Variants in CFAP54 observed in about 807,000 individuals in gnomAD.
CFAP54 encodes cilia and flagella associated protein 54, also known as cilia- and flagella-associated protein 54.
In CFAP54, 290 loss-of-function variants were observed where a neutral mutation model predicts 370.4. The observed-to-expected ratio is 0.78, with a 90% CI of 0.71 to 0.86. The LOEUF is 0.86. CFAP54 is among the 40% of genes least tolerant of loss of function. The pLI, the probability that CFAP54 is intolerant of heterozygous loss-of-function variation, is 0.00. For missense variants in CFAP54, 3,399 were observed against 3,528.7 expected (o/e 0.96, Z 0.93); for synonymous variants, 1,206 against 1,236.5 (o/e 0.98, Z 0.52).
At chr12:96,814,967 G>A (rs1337635965) in intron 64 of CFAP54, among the ~76,000 whole-genome samples, 1 of 152,090 alleles carries the variant, frequency 6.6e-6, no homozygotes, top group Non-Finnish European at 1.5e-5. Context: ...ATGGGCATTT[G>A]GGTTGATTCC....
chr12:96,573,124 A>C (rs1955940377), intron 19 of CFAP54: 4 of 790,922 alleles, frequency 5.1e-6, no homozygotes, highest in Non-Finnish European at 6.1e-6. Context: ...CTCCAGACAT[A>C]ATCCCGAGGA....
intron 63 of CFAP54, among the ~76,000 whole-genome samples, chr12:96,810,993 T>C (rs1203233265): frequency 6.6e-6 from 1 of 152,174 alleles, no homozygotes; most frequent in Non-Finnish European, 1.5e-5. Context: ...GGTTCTGAGG[T>C]AGTTTCTAAG....
At chr12:96,560,227 A>G (rs868763190) in intron 17 of CFAP54, among the ~76,000 whole-genome samples, 2 of 152,118 alleles carry the variant, frequency 1.3e-5, no homozygotes, top group Admixed American at 6.6e-5. Flanking sequence ...TTTTTCTTCT[A>G]TCTAACAATA....
At chr12:96,510,963 C>CAAA (rs11479059) in intron 4 of CFAP54, among the ~76,000 whole-genome samples, 1 of 103,712 alleles carries the variant, frequency 9.6e-6, no homozygotes, top group Non-Finnish European at 2.1e-5. Context: ...ACTCTTATCT[C>CAAA]AAAAAAAAAA....
intron 26 of CFAP54, among the ~76,000 whole-genome samples, chr12:96,601,712 C>A (rs1440081158): frequency 6.6e-6 from 1 of 152,144 alleles, no homozygotes; most frequent in Non-Finnish European, 1.5e-5. Context: ...GGAATTTATC[C>A]ATTTCTTCTA....
chr12:96,768,702 AAAAC>A (rs1480806041), intron 60 of CFAP54, among the ~76,000 whole-genome samples: 4 of 152,136 alleles, frequency 2.6e-5, no homozygotes, highest in Non-Finnish European at 5.9e-5. Flanking sequence ...AACAAAAACA[AAAAC>A]AAACAAAAAA....
chr12:96,652,930 C>CAGG (rs1159848178), intron 36 of CFAP54, among the ~76,000 whole-genome samples: 1 of 152,204 alleles, frequency 6.6e-6, no homozygotes, highest in African/African-American at 2.4e-5. Context: ...CTCAATTAAT[C>CAGG]AGGAAGACAT....
intron 43 of CFAP54, among the ~76,000 whole-genome samples, chr12:96,690,463 C>T (rs1267689390): frequency 6.6e-6 from 1 of 152,092 alleles, no homozygotes; most frequent in Non-Finnish European, 1.5e-5. Context: ...CTTGTTTCTC[C>T]AACATCTAGT....
chr12:96,728,739 G>A (rs1274679452), intron 50 of CFAP54, among the ~76,000 whole-genome samples: 1 of 152,166 alleles, frequency 6.6e-6, no homozygotes, highest in African/African-American at 2.4e-5. Context: ...TTCCTTTGGA[G>A]GAGGAGAGGC....
chr12:96,821,098 C>A (rs1045307131), intron 65 of CFAP54, among the ~76,000 whole-genome samples: 1 of 152,098 alleles, frequency 6.6e-6, no homozygotes, highest in African/African-American at 2.4e-5. Context: ...TTTCCTGGAG[C>A]TCATTTTCCT....
At chr12:96,608,496 C>CT (rs1555259310) in intron 26 of CFAP54, among the ~76,000 whole-genome samples, 1 of 137,364 alleles carries the variant, frequency 7.3e-6, no homozygotes, top group African/African-American at 2.8e-5. Flanking sequence ...GAGTCTCACT[C>CT]TATCACCCAG....
At chr12:96,645,036 A>G (rs1956772993) in intron 33 of CFAP54, 2 of 379,052 alleles carry the variant, frequency 5.3e-6, no homozygotes, top group Non-Finnish European at 1.1e-5. Context: ...AGAGAAGTTT[A>G]ATATGAATTA....
intron 32 of CFAP54, among the ~76,000 whole-genome samples, chr12:96,635,628 C>T (rs990652087): frequency 6.6e-6 from 1 of 152,150 alleles, no homozygotes; most frequent in African/African-American, 2.4e-5. Flanking sequence ...GGCTTGGTTC[C>T]ACAACACTGC....
In CFAP54 at chr12:96,786,763, A is replaced by G. The variant is rs974053281; in HGVS notation, c.8544A>G (p.Lys2848=). ...LYNSELILRQ[K]EVHFFLKKFL... is the part of the protein sequence containing the mutation. ...ACTCTGAGTTGATTTTGCGCCAGAA[A>G]GAAGTGCATTTTTTCCTTAAAAAAT... The change falls in exon 62 of 68, where the codon AAA becomes AAG. Residue 2848 remains lysine, a synonymous_variant. Coordinates refer to ENST00000524981, the MANE Select transcript of CFAP54 (RefSeq NM_001306084.2). The G allele has an allele frequency of 1.3e-6, 2 of 1,535,852 alleles. No homozygotes were observed. The highest frequency in any genetic ancestry group is 2.0e-5 in the Admixed American group (1 of 50,972).
At chr12:96,525,303 T>C (rs1408128308) in intron 8 of CFAP54, among the ~76,000 whole-genome samples, 1 of 151,918 alleles carries the variant, frequency 6.6e-6, no homozygotes, top group East Asian at 1.9e-4. Context: ...TTTTAAAATA[T>C]ACTTGAATGA....
At chr12:96,686,122 T>G (rs1174316206) in intron 42 of CFAP54, among the ~76,000 whole-genome samples, 1 of 152,218 alleles carries the variant, frequency 6.6e-6, no homozygotes, top group Non-Finnish European at 1.5e-5. Context: ...ATCTCATGAT[T>G]CTGAAGGCTA....
At chr12:96,624,105 T>G (rs1054001538) in intron 28 of CFAP54, among the ~76,000 whole-genome samples, 4 of 152,218 alleles carry the variant, frequency 2.6e-5, no homozygotes, top group African/African-American at 9.6e-5. Context: ...TAGGATTACA[T>G]AGCTGGCTTG....
chr12:96,659,277 G>T (rs745330136), intron 38 of CFAP54, among the ~76,000 whole-genome samples: 26 of 152,128 alleles, frequency 1.7e-4, no homozygotes, highest in Non-Finnish European at 3.2e-4. Flanking sequence ...GGGATTACAG[G>T]TGACTGCCAA....
At chr12:96,590,874 G>C (rs1242789819) in intron 23 of CFAP54, among the ~76,000 whole-genome samples, 2 of 152,112 alleles carry the variant, frequency 1.3e-5, no homozygotes, top group African/African-American at 4.8e-5. Flanking sequence ...GATGCCAGTA[G>C]GTTTATTTAT....
Sources: gnomAD v4.1 joint callset for allele counts (sites outside exome capture counted in the v4.1 genomes callset) on GRCh38, gnomAD v4.1.1 for gene constraint, MANE v1.5 for transcripts, NCBI Gene and HGNC (gene_info 2026-07-23, HGNC 2026-07-21) for gene names.